SRFBP1: variants seen among roughly 807,000 people sequenced by gnomAD.
SRFBP1 encodes the protein serum response factor-binding protein 1.
In SRFBP1, 47 loss-of-function variants were observed where a neutral mutation model predicts 45.5. The ratio of observed to expected loss-of-function variants is 1.03; its 90% CI spans 0.82 to 1.32. SRFBP1 has a LOEUF of 1.32. Among genes scored for constraint, SRFBP1 ranks in the 40% most tolerant of loss-of-function variants. SRFBP1 has a pLI of 0.00. For synonymous variants in SRFBP1, 203 were observed against 166.3 expected, an observed-to-expected ratio of 1.22 and a Z score of -1.70; for missense variants, 621 against 484.6, an observed-to-expected ratio of 1.28 and a Z score of -2.64.
At chr5:122,075,559 G>A in exon 3 of SRFBP1, 1 of 1,516,724 alleles carries the variant, frequency 6.6e-7, no homozygotes, top group African/African-American at 1.4e-5. Context: ...TTTGAAAAAA[G>A]AAAAATTATT....
At chr5:122,017,156 G>C (rs1036455813) in intron 4 of SRFBP1, among the ~76,000 whole-genome samples, 9 of 152,176 alleles carry the variant, frequency 5.9e-5, no homozygotes, top group Non-Finnish European at 1.2e-4. Flanking sequence ...TTGAACCCGG[G>C]AGGCGGAGGT....
At chr5:122,013,039 G>A (rs563664324) in intron 4 of SRFBP1, among the ~76,000 whole-genome samples, 1 of 151,970 alleles carries the variant, frequency 6.6e-6, no homozygotes, top group Non-Finnish European at 1.5e-5. Context: ...TCTCATTTCT[G>A]TAATAAAGAG....
chr5:122,034,444 G>A (rs913800769), intron 2 of SRFBP1, among the ~76,000 whole-genome samples: 3 of 149,744 alleles, frequency 2.0e-5, no homozygotes, highest in East Asian at 2.0e-4. Context: ...TGCCCTTAGC[G>A]CCCCCCCCAT....
chr5:122,035,803 A>C (rs1235186683), intron 2 of SRFBP1, among the ~76,000 whole-genome samples: 1 of 152,212 alleles, frequency 6.6e-6, no homozygotes, highest in Non-Finnish European at 1.5e-5. Flanking sequence ...ATCTACCATA[A>C]GCCTTGAGCT....
intron 2 of SRFBP1, among the ~76,000 whole-genome samples, chr5:122,054,576 C>T (rs1754046563): frequency 1.3e-5 from 2 of 152,176 alleles, no homozygotes; most frequent in Admixed American, 6.5e-5. Flanking sequence ...ACTTTATCTA[C>T]AAAATCAGGT....
intron 4 of SRFBP1, among the ~76,000 whole-genome samples, chr5:122,013,512 T>A (rs1054317736): frequency 2.6e-5 from 4 of 152,056 alleles, no homozygotes; most frequent in Admixed American, 1.3e-4. Context: ...AAAAAGATTT[T>A]AAAAAATACT....
At chr5:122,050,407 A>T (rs1209603414) in intron 2 of SRFBP1, among the ~76,000 whole-genome samples, 1 of 151,954 alleles carries the variant, frequency 6.6e-6, no homozygotes, top group Non-Finnish European at 1.5e-5. Context: ...TTTATTACTG[A>T]TTTAATTTCA....
chr5:122,049,689 G>C (rs1397751490), intron 2 of SRFBP1, among the ~76,000 whole-genome samples: 3 of 152,162 alleles, frequency 2.0e-5, no homozygotes, highest in African/African-American at 7.2e-5. Context: ...TCAGACCACA[G>C]TGCAATCAAA....
intron 4 of SRFBP1, among the ~76,000 whole-genome samples, chr5:122,011,702 T>A (rs1051730972): frequency 9.2e-5 from 14 of 152,148 alleles, no homozygotes; most frequent in African/African-American, 2.9e-4. Flanking sequence ...TGTAAGACAG[T>A]GTCTTCACAT....
Position 122,020,265 on chromosome 5 carries a change from C to G in SRFBP1, c.530C>G (p.Ala177Gly). The G allele has an allele frequency of 6.2e-7, 1 of 1,612,446 alleles. No individual in the cohort carries two copies. Reference protein sequence around the residue: ...EQKVKETKILAKKPIHNSKEK... With the variant: ...EQKVKETKILGKKPIHNSKEK... ...AAAGTCAAAGAAACCAAAATATTGG[C>G]GAAGAAACCAATACATAATTCAAAG... Residue 177 changes from alanine (A) to glycine (G), a missense_variant, in exon 6 of 8, where the codon GCG becomes GGG. Ala to Gly is a moderately conservative substitution (Grantham distance 60). Coordinates refer to ENST00000339397, the MANE Select transcript of SRFBP1 (RefSeq NM_152546.3).
chr5:121,984,517 A>G (rs1326601967), intron 3 of SRFBP1, among the ~76,000 whole-genome samples: 1 of 151,814 alleles, frequency 6.6e-6, no homozygotes, highest in Non-Finnish European at 1.5e-5. Flanking sequence ...TTTCTGTGAC[A>G]TGTTTCAAAT....
intron 3 of SRFBP1, among the ~76,000 whole-genome samples, chr5:121,977,183 G>T (rs907163538): frequency 1.3e-5 from 2 of 151,966 alleles, no homozygotes; most frequent in Admixed American, 6.6e-5. Context: ...GTTTGGTTTG[G>T]TTTGATTTGT....
intron 2 of SRFBP1, among the ~76,000 whole-genome samples, chr5:122,035,712 G>A (rs1753684243): frequency 6.6e-6 from 1 of 152,018 alleles, no homozygotes; most frequent in African/African-American, 2.4e-5. Flanking sequence ...GTGTTTTTAT[G>A]TAACCAAATT....
chr5:121,980,898 C>T (rs745571682), intron 3 of SRFBP1, among the ~76,000 whole-genome samples: 5 of 152,122 alleles, frequency 3.3e-5, no homozygotes, highest in Admixed American at 6.6e-5. Flanking sequence ...GCTCTCTCAG[C>T]GGATAAAGTA....
At chr5:122,064,318 T>C (rs1754242200) in intron 2 of SRFBP1, 1 of 151,946 alleles carries the variant, frequency 6.6e-6, no homozygotes, top group African/African-American at 2.4e-5. Flanking sequence ...TTCAAAATAG[T>C]TCAAAGAAGT....
chr5:122,068,880 T>C (rs77302240), intron 2 of SRFBP1, among the ~76,000 whole-genome samples: 6,804 of 152,044 alleles, frequency 0.045, 184 homozygotes, highest in African/African-American at 0.061. Context: ...AAAAAACTAA[T>C]CTGTTTATTT....
intron 1 of SRFBP1, among the ~76,000 whole-genome samples, chr5:121,967,555 C>T (rs997172356): frequency 2.6e-5 from 4 of 152,024 alleles, no homozygotes; most frequent in African/African-American, 9.7e-5. Context: ...TAATTTTGGC[C>T]AGGTGCAGTG....
chr5:121,968,802 G>C (rs558778647), intron 1 of SRFBP1, among the ~76,000 whole-genome samples: 1 of 152,118 alleles, frequency 6.6e-6, no homozygotes, highest in Non-Finnish European at 1.5e-5. Flanking sequence ...ATTTGTTGTC[G>C]TAGTTTTTTT....
At chr5:121,984,952 T>A (rs377667518) in intron 3 of SRFBP1, among the ~76,000 whole-genome samples, 1 of 151,874 alleles carries the variant, frequency 6.6e-6, no homozygotes, top group Non-Finnish European at 1.5e-5. Context: ...TCTGGTACTT[T>A]GCCAGAAAAG....
Sources: allele counts gnomAD v4.1 joint callset (sites outside exome capture counted in the v4.1 genomes callset), GRCh38; gene constraint gnomAD v4.1.1; transcripts MANE v1.5; gene names NCBI Gene and HGNC (gene_info 2026-07-23, HGNC 2026-07-21).